Variants in SLC25A48 observed in about 807,000 individuals in gnomAD.
SLC25A48 encodes the protein CTC-321K16.1.
A neutral mutation model predicts 32.2 loss-of-function variants in SLC25A48; 29 were observed. The ratio of observed to expected loss-of-function variants is 0.90; its 90% CI spans 0.67 to 1.23. SLC25A48 has a LOEUF of 1.23. Ranked by LOEUF, SLC25A48 falls within the 50% of genes most tolerant of loss-of-function variation. The pLI is 0.00. For synonymous variants in SLC25A48, 164 were observed against 172.3 expected (o/e 0.95, Z 0.38); for missense variants, 399 against 422.7 (o/e 0.94, Z 0.49).
chr5:135,661,801 G>A (rs1318081152), intron 3 of SLC25A48, among the ~76,000 whole-genome samples: 3 of 152,018 alleles, frequency 2.0e-5, no homozygotes, highest in Non-Finnish European at 4.4e-5. Context: ...TTTTTTGACC[G>A]TATTAACCTG....
chr5:135,703,935 C>T (rs1368145670), intron 3 of SLC25A48, among the ~76,000 whole-genome samples: 2 of 152,258 alleles, frequency 1.3e-5, no homozygotes, highest in Non-Finnish European at 2.9e-5. Context: ...CCTCTTGGTT[C>T]TCCTTGCACA....
chr5:135,637,424 A>T (rs1752730771), intron 3 of SLC25A48, among the ~76,000 whole-genome samples: 1 of 152,174 alleles, frequency 6.6e-6, no homozygotes, highest in Non-Finnish European at 1.5e-5. Context: ...AGGAACACAA[A>T]AAAGAGAAAG....
intron 3 of SLC25A48, among the ~76,000 whole-genome samples, chr5:135,695,682 T>A (rs2126961720): frequency 6.6e-6 from 1 of 152,334 alleles, no homozygotes; most frequent in African/African-American, 2.4e-5. Context: ...CCATCTCCTG[T>A]GCTGGAGGCG....
chr5:135,650,722 C>G (rs1359145907), intron 3 of SLC25A48, among the ~76,000 whole-genome samples: 2 of 152,092 alleles, frequency 1.3e-5, no homozygotes, highest in Non-Finnish European at 2.9e-5. Flanking sequence ...TGCTTAGAGT[C>G]AAACAGAACT....
At chr5:135,611,496 CAAAAAAAAAAAAAAAAAA>C (rs57138043) in intron 1 of SLC25A48, among the ~76,000 whole-genome samples, 3 of 21,346 alleles carry the variant, frequency 1.4e-4, no homozygotes, top group East Asian at 4.4e-3. Flanking sequence ...GACTCCATCT[CAAAAAAAAAAAAAAAAAA>C]AAAAAAAAAA....
chr5:135,744,825 T>A (rs1755601274), intron 3 of SLC25A48, among the ~76,000 whole-genome samples: 1 of 151,694 alleles, frequency 6.6e-6, no homozygotes, highest in Non-Finnish European at 1.5e-5. Flanking sequence ...GCAGATCACC[T>A]GAGGTCTGGA....
chr5:135,875,209 A>T (rs921970817), intron 6 of SLC25A48: 1 of 152,964 alleles, frequency 6.5e-6, no homozygotes, highest in Non-Finnish European at 1.5e-5. Context: ...CCATCCTTCC[A>T]GGCCCAGTGC....
At chr5:135,773,089 C>G (rs1282005028) in intron 3 of SLC25A48, among the ~76,000 whole-genome samples, 1 of 149,968 alleles carries the variant, frequency 6.7e-6, no homozygotes, top group Non-Finnish European at 1.5e-5. Context: ...TAATATTACT[C>G]TCAATATCGC....
Position 135,844,609 on chromosome 5 carries a change from A to G in SLC25A48, c.90+2150A>G, listed in dbSNP as rs1022570599. Among the ~76,000 whole-genome samples the G allele has an allele frequency of 3.3e-5, 5 of 152,200 alleles. 1 individual carries two copies. On this transcript the variant is annotated intron_variant, in intron 2 of 7. Coordinates refer to ENST00000681962, the MANE Select transcript of SLC25A48 (RefSeq NM_001349336.2). ...CCTTGGCTTACAGGGTCAGTGTAAGATTATAAGCATTGTTTCTGGTACCTA... is the reference window on the plus strand; with the variant it reads ...CCTTGGCTTACAGGGTCAGTGTAAGGTTATAAGCATTGTTTCTGGTACCTA...
In SLC25A48 at chr5:135,852,775, C is replaced by T. The variant is rs746914095; in HGVS notation, c.375C>T (p.Asp125=). The T allele has an allele frequency of 4.3e-6, 7 of 1,613,622 alleles. No homozygotes were observed. ...VVSVGLGGPV[D]LIKIRLQMQT... is the part of the protein sequence containing the mutation. ...CTGTCGGGCTGGGAGGGCCCGTGGA[C>T]CTCATCAAGATCCGGTTGCAGATGC... Residue 125 remains aspartate, a synonymous_variant, in exon 4 of 8, where the codon GAC becomes GAT. Transcript: ENST00000681962.
intron 4 of SLC25A48, among the ~76,000 whole-genome samples, chr5:135,861,438 G>A (rs9327731): frequency 0.76 from 115,984 of 151,992 alleles, 44,449 homozygotes; most frequent in Middle Eastern, 0.87. Context: ...AGGTTAGACA[G>A]CTCACCTAAT....
chr5:135,785,583 T>C (rs1427611745), intron 3 of SLC25A48, among the ~76,000 whole-genome samples: 1 of 149,326 alleles, frequency 6.7e-6, no homozygotes, highest in Non-Finnish European at 1.5e-5. Flanking sequence ...ATGCTCCCCA[T>C]GGGGCGAGGG....
chr5:135,800,114 A>T (rs960503745), intron 3 of SLC25A48, among the ~76,000 whole-genome samples: 3 of 151,668 alleles, frequency 2.0e-5, no homozygotes, highest in Non-Finnish European at 4.4e-5. Context: ...AAAAACGATT[A>T]TATTACTCCC....
chr5:135,717,316 G>T (rs13186945), intron 3 of SLC25A48, among the ~76,000 whole-genome samples: 10,104 of 152,232 alleles, frequency 0.066, 516 homozygotes, highest in East Asian at 0.28. Flanking sequence ...AGCAGATTGT[G>T]AGAAATCGCC....
intron 3 of SLC25A48, among the ~76,000 whole-genome samples, chr5:135,722,927 A>C (rs1754996159): frequency 1.3e-5 from 2 of 152,238 alleles, no homozygotes; most frequent in African/African-American, 4.8e-5. Context: ...GAGGGAATGA[A>C]GCGCTCCATG....
intron 3 of SLC25A48, among the ~76,000 whole-genome samples, chr5:135,788,348 T>TG (rs1246867563): frequency 7.5e-6 from 1 of 132,918 alleles, no homozygotes; most frequent in Non-Finnish European, 1.7e-5. Context: ...CCCCATGGGT[T>TG]GGGGGGTGTA....
intron 3 of SLC25A48, among the ~76,000 whole-genome samples, chr5:135,668,780 A>G (rs1165179193): frequency 1.3e-5 from 2 of 152,248 alleles, no homozygotes; most frequent in Admixed American, 1.3e-4. Context: ...AGCCAGCAAC[A>G]TAGGATAATT....
intron 3 of SLC25A48, among the ~76,000 whole-genome samples, chr5:135,681,431 T>C (rs1252176003): frequency 6.6e-6 from 1 of 152,256 alleles, no homozygotes; most frequent in Non-Finnish European, 1.5e-5. Context: ...TTATCTTACA[T>C]GTCTCTCCTT....
chr5:135,875,777 C>G (rs7717673), intron 6 of SLC25A48: 1 of 152,108 alleles, frequency 6.6e-6, no homozygotes, highest in African/African-American at 2.4e-5. Flanking sequence ...AATAGAAGTA[C>G]AGTGGGTAGA....
Sources: allele counts gnomAD v4.1 joint callset (sites outside exome capture counted in the v4.1 genomes callset), GRCh38; gene constraint gnomAD v4.1.1; transcripts MANE v1.5; gene names NCBI Gene and HGNC (gene_info 2026-07-23, HGNC 2026-07-21).